The following CDON variants were observed in gnomAD, a reference collection of about 807,000 sequenced individuals.
The protein encoded by CDON is cell adhesion associated, oncogene regulated.
CDON carries 73 observed loss-of-function variants against 120.9 expected under a neutral mutation model. That is an observed-to-expected ratio of 0.60 (90% CI 0.50 to 0.73). The LOEUF is 0.73. CDON is among the 30% of genes least tolerant of loss of function. CDON has a pLI of 0.00. For missense variants in CDON, 1,470 were observed against 1,587.3 expected, an observed-to-expected ratio of 0.93 and a Z score of 1.26; for synonymous variants, 566 against 573.5, an observed-to-expected ratio of 0.99 and a Z score of 0.19.
At chr11:125,993,422 CACAA>C (rs372227625) in intron 14 of CDON, among the ~76,000 whole-genome samples, 1 of 133,956 alleles carries the variant, frequency 7.5e-6, no homozygotes, top group South Asian at 2.4e-4. Context: ...CACACACACA[CACAA>C]CCACGTGCTT....
At chr11:125,970,172 G>GTTTTTTTT (rs36021097) in intron 18 of CDON, among the ~76,000 whole-genome samples, 10 of 103,178 alleles carry the variant, frequency 9.7e-5, no homozygotes, top group African/African-American at 1.5e-4. Context: ...GGTAGTTTAT[G>GTTTTTTTT]TTTTTTTTTT....
intron 14 of CDON, among the ~76,000 whole-genome samples, chr11:125,991,962 G>C (rs557975102): frequency 6.6e-6 from 1 of 152,104 alleles, no homozygotes; most frequent in Admixed American, 6.6e-5. Context: ...TTTTGTAAAA[G>C]CTCAAAGATT....
intron 3 of CDON, among the ~76,000 whole-genome samples, chr11:126,020,140 T>C (rs1240316509): frequency 6.6e-6 from 1 of 152,172 alleles, no homozygotes; most frequent in Non-Finnish European, 1.5e-5. Flanking sequence ...GCACCCTTTT[T>C]CATAAGTCAA....
At chr11:125,964,028 C>T (rs531656005) in intron 18 of CDON, among the ~76,000 whole-genome samples, 6 of 152,248 alleles carry the variant, frequency 3.9e-5, no homozygotes, top group African/African-American at 1.4e-4. Flanking sequence ...TGGATGCTGG[C>T]GAAGGTGAGC....
chr11:125,984,567 G>T (rs1361955442), intron 15 of CDON, among the ~76,000 whole-genome samples: 2 of 151,996 alleles, frequency 1.3e-5, no homozygotes, highest in Admixed American at 1.3e-4. Flanking sequence ...CGTGGCGGTG[G>T]GTGCCTGTAA....
At chr11:126,002,246 T>C (rs1455374004) in intron 10 of CDON, among the ~76,000 whole-genome samples, 2 of 152,214 alleles carry the variant, frequency 1.3e-5, no homozygotes, top group South Asian at 2.1e-4. Context: ...AGCCTCACAT[T>C]GTTTTAATAT....
In CDON at chr11:126,028,165, G is replaced by C. The variant is rs75886960; in HGVS notation, c.-61-4628C>G. Among the ~76,000 whole-genome samples, 30 of 152,032 alleles carry C rather than the reference G, an allele frequency of 2.0e-4. No individual in the cohort carries two copies. In the East Asian group the frequency reaches 5.6e-3, roughly 28 times the overall value. On this transcript the variant is annotated intron_variant, in intron 1 of 19. Transcript: ENST00000531738. ...CCGAAAAAAGTACACATTCAATACA[G>C]AATGTGCAGAAAATACATAAACGTA...
chr11:126,019,319 T>C (rs1458174085), intron 4 of CDON, among the ~76,000 whole-genome samples: 1 of 152,014 alleles, frequency 6.6e-6, no homozygotes, highest in Admixed American at 6.6e-5. Context: ...ATCAATTCTA[T>C]AAAGAAAAGC....
intron 1 of CDON, among the ~76,000 whole-genome samples, chr11:126,027,545 T>C (rs1011746966): frequency 2.0e-5 from 3 of 152,188 alleles, no homozygotes; most frequent in African/African-American, 4.8e-5. Flanking sequence ...TGTACTTAAG[T>C]TCCCCTACAT....
chr11:126,026,068 C>A (rs79711635), intron 1 of CDON, among the ~76,000 whole-genome samples: 88 of 152,228 alleles, frequency 5.8e-4, no homozygotes, highest in Admixed American at 1.5e-3. Context: ...ATTTTAGTGC[C>A]TAGCAGAAAG....
intron 10 of CDON, among the ~76,000 whole-genome samples, chr11:126,002,314 T>C (rs1946969455): frequency 6.6e-6 from 1 of 152,208 alleles, no homozygotes; most frequent in African/African-American, 2.4e-5. Flanking sequence ...GATTACTCAG[T>C]ATTTATAGGT....
At chr11:126,039,686 C>A (rs79548354) in intron 1 of CDON, among the ~76,000 whole-genome samples, 3,817 of 152,274 alleles carry the variant, frequency 0.025, 67 homozygotes, top group Middle Eastern at 0.11. Flanking sequence ...AGCTCTTCAT[C>A]CTCAGTGTCA....
intron 17 of CDON, 98 bp from the exon 18 acceptor site, chr11:125,978,481 T>A: frequency 1.3e-6 from 1 of 778,956 alleles, no homozygotes; most frequent in Non-Finnish European, 2.2e-6. Flanking sequence ...ACATGAGCCA[T>A]GTCAACCATA....
At chr11:125,975,629 A>G (rs1254192586) in intron 18 of CDON, among the ~76,000 whole-genome samples, 2 of 152,096 alleles carry the variant, frequency 1.3e-5, no homozygotes, top group Non-Finnish European at 2.9e-5. Flanking sequence ...CCATCTGCGA[A>G]CTCATTAGAA....
At chr11:125,980,722 C>T (rs893478419) in intron 17 of CDON, among the ~76,000 whole-genome samples, 2 of 152,130 alleles carry the variant, frequency 1.3e-5, no homozygotes, top group Admixed American at 6.5e-5. Flanking sequence ...TTTTCAAGAC[C>T]CTGCTCTCGA....
At chr11:126,010,280 C>T (rs972049070) in intron 8 of CDON, 61 bp downstream of exon 8, 4 of 1,151,846 alleles carry the variant, frequency 3.5e-6, no homozygotes, top group Non-Finnish European at 5.0e-6. Context: ...TTTCAAATCA[C>T]TTTATCTTCT....
At chr11:125,989,353 T>C (rs895871644) in intron 15 of CDON, among the ~76,000 whole-genome samples, 1 of 152,164 alleles carries the variant, frequency 6.6e-6, no homozygotes, top group Non-Finnish European at 1.5e-5. Flanking sequence ...TTGGCCAACA[T>C]GGTGAAACCC....
intron 18 of CDON, among the ~76,000 whole-genome samples, chr11:125,971,411 T>TAAATAAATAAATA (rs11404576): frequency 0.025 from 3,775 of 148,876 alleles, 105 homozygotes; most frequent in African/African-American, 0.058. Context: ...AATAAATAAA[T>TAAATAAATAAATA]AATAATAATT....
At chr11:126,041,280 G>C (rs984046204) in intron 1 of CDON, among the ~76,000 whole-genome samples, 1 of 151,372 alleles carries the variant, frequency 6.6e-6, no homozygotes, top group Non-Finnish European at 1.5e-5. Context: ...CAACACCAAA[G>C]GCACTATTAT....
Sources: allele counts gnomAD v4.1 joint callset (sites outside exome capture counted in the v4.1 genomes callset), GRCh38; gene constraint gnomAD v4.1.1; transcripts MANE v1.5; gene names NCBI Gene and HGNC (gene_info 2026-07-23, HGNC 2026-07-21).